Variants in AGBL1 observed in about 807,000 individuals in gnomAD.
AGBL1 encodes AGBL carboxypeptidase 1, also known as cytosolic carboxypeptidase 4.
A neutral mutation model predicts 118.9 loss-of-function variants in AGBL1; 130 were observed. That is an observed-to-expected ratio of 1.09 (90% CI 0.95 to 1.26). The LOEUF is 1.26. Ranked by LOEUF, AGBL1 falls within the 50% of genes most tolerant of loss-of-function variation. The pLI is 0.00. For missense variants in AGBL1, 1,584 were observed against 1,298.1 expected (o/e 1.22, Z -3.38); for synonymous variants, 555 against 478.9 (o/e 1.16, Z -2.08).
intron 22 of AGBL1, among the ~76,000 whole-genome samples, chr15:86,742,328 A>G (rs2077692370): frequency 6.6e-6 from 1 of 152,152 alleles, no homozygotes; most frequent in Admixed American, 6.6e-5. Context: ...TACAGATGAA[A>G]CAATGCCCTC....
At chr15:86,546,613 A>G (rs2083586929) in intron 20 of AGBL1, among the ~76,000 whole-genome samples, 1 of 152,180 alleles carries the variant, frequency 6.6e-6, no homozygotes, top group African/African-American at 2.4e-5. Context: ...ATGAATAAAC[A>G]TAAGCCATTA....
intron 21 of AGBL1, among the ~76,000 whole-genome samples, chr15:86,568,908 A>T (rs1214894558): frequency 6.6e-6 from 1 of 152,176 alleles, no homozygotes; most frequent in African/African-American, 2.4e-5. Context: ...TGACAATGAG[A>T]TGCTGTATGT....
At chr15:86,986,070 C>T (rs1445122319) in intron 23 of AGBL1, among the ~76,000 whole-genome samples, 1 of 152,026 alleles carries the variant, frequency 6.6e-6, no homozygotes, top group Non-Finnish European at 1.5e-5. Context: ...ATTATAGGTG[C>T]CTGCCACCAT....
chr15:86,890,989 G>A (rs554801550), intron 22 of AGBL1, among the ~76,000 whole-genome samples: 1 of 152,264 alleles, frequency 6.6e-6, no homozygotes, highest in East Asian at 1.9e-4. Context: ...ATTTTGGACA[G>A]TATGGCCATT....
At chr15:86,114,960 G>C (rs1897663871) in intron 1 of AGBL1, among the ~76,000 whole-genome samples, 1 of 152,192 alleles carries the variant, frequency 6.6e-6, no homozygotes, top group Non-Finnish European at 1.5e-5. Context: ...TGAACTTCAT[G>C]ATAGGCTCTC....
intron 18 of AGBL1, among the ~76,000 whole-genome samples, chr15:86,454,136 T>G (rs1267340053): frequency 3.9e-5 from 6 of 152,204 alleles, no homozygotes; most frequent in African/African-American, 1.4e-4. Flanking sequence ...TATGGAAGAC[T>G]GTTATTTCTG....
At chr15:86,525,191 G>T (rs1411044726) in intron 19 of AGBL1, among the ~76,000 whole-genome samples, 2 of 151,640 alleles carry the variant, frequency 1.3e-5, no homozygotes, top group African/African-American at 2.4e-5. Flanking sequence ...ATTTAACAAG[G>T]AAGGTAAAAG....
At position 86,079,982 on chromosome 15, in the gene AGBL1, C is replaced by A; in HGVS notation, c.10C>A (p.Gln4Lys). ...AGGACCCGAGAAAAGGATGGCCGAA[C>A]AAGAAGCTAGTGGGCTACAGGTCCT... MAE[Q>K]EASGLQVLLH... The change falls in exon 1 of 23, where the codon CAA becomes AAA. Residue 4 changes from glutamine to lysine, a missense_variant. By Grantham distance (53) the Gln-to-Lys change is moderately conservative. Transcript: ENST00000614907. 1 of 1,232,164 alleles carries A rather than the reference C, an allele frequency of 8.1e-7. No homozygotes were observed. The highest frequency in any genetic ancestry group is 3.2e-5 in the East Asian group (1 of 31,682). 76.3% of individuals were successfully genotyped at this position (1,232,164 alleles called of 1,614,324 possible).
At chr15:87,008,274 G>T (rs1226691562) in intron 24 of AGBL1, among the ~76,000 whole-genome samples, 3 of 152,252 alleles carry the variant, frequency 2.0e-5, no homozygotes, top group African/African-American at 2.4e-5. Context: ...ATTGAATCAT[G>T]GGGGCAGGTC....
At chr15:86,181,175 A>G (rs2077547622) in intron 5 of AGBL1, among the ~76,000 whole-genome samples, 1 of 152,092 alleles carries the variant, frequency 6.6e-6, no homozygotes. Flanking sequence ...TCATTTACAC[A>G]ATAGAAATGA....
At chr15:86,921,213 C>T (rs2080478728) in intron 23 of AGBL1, among the ~76,000 whole-genome samples, 1 of 152,118 alleles carries the variant, frequency 6.6e-6, no homozygotes, top group East Asian at 1.9e-4. Flanking sequence ...GCAGACGAAG[C>T]TTTGTTTAAT....
intron 3 of AGBL1, among the ~76,000 whole-genome samples, chr15:86,144,521 G>T (rs1450829458): frequency 6.6e-6 from 1 of 152,134 alleles, no homozygotes; most frequent in Non-Finnish European, 1.5e-5. Context: ...AGGGACATGG[G>T]TGGAGCTGGA....
chr15:86,825,635 A>C (rs2078998719), intron 22 of AGBL1, among the ~76,000 whole-genome samples: 1 of 144,338 alleles, frequency 6.9e-6, no homozygotes, highest in Non-Finnish European at 1.5e-5. Context: ...TAAAAAAAGG[A>C]AGGAAGGAAA....
chr15:86,731,191 G>C (rs2077522581), intron 22 of AGBL1, among the ~76,000 whole-genome samples: 1 of 152,032 alleles, frequency 6.6e-6, no homozygotes, highest in African/African-American at 2.4e-5. Flanking sequence ...CCAAACTATT[G>C]AATTATGTTC....
chr15:86,216,034 A>C (rs181769945), intron 5 of AGBL1, among the ~76,000 whole-genome samples: 1 of 152,330 alleles, frequency 6.6e-6, no homozygotes, highest in Admixed American at 6.5e-5. Flanking sequence ...GGATTTAAAC[A>C]AAATCATTTC....
chr15:86,946,811 T>A (rs1443437521), intron 23 of AGBL1, among the ~76,000 whole-genome samples: 4 of 117,464 alleles, frequency 3.4e-5, no homozygotes. Context: ...GCCATTGCAC[T>A]CCAGCCTGGG....
chr15:86,708,634 T>G (rs1168709758), intron 22 of AGBL1, among the ~76,000 whole-genome samples: 1 of 152,168 alleles, frequency 6.6e-6, no homozygotes, highest in Non-Finnish European at 1.5e-5. Flanking sequence ...AAAAGCCCTG[T>G]GTTAATGAGG....
chr15:86,536,904 T>G (rs1330248883), intron 19 of AGBL1, among the ~76,000 whole-genome samples: 1 of 152,134 alleles, frequency 6.6e-6, no homozygotes, highest in African/African-American at 2.4e-5. Context: ...AGGCTTCCGA[T>G]GAAGACACGG....
At chr15:86,929,664 G>A (rs2080582531) in intron 23 of AGBL1, among the ~76,000 whole-genome samples, 1 of 152,180 alleles carries the variant, frequency 6.6e-6, no homozygotes, top group Admixed American at 6.5e-5. Context: ...CAAAATATTA[G>A]GACTGCATGG....
Sources: gnomAD v4.1 joint callset for allele counts (sites outside exome capture counted in the v4.1 genomes callset) on GRCh38, gnomAD v4.1.1 for gene constraint, MANE v1.5 for transcripts, NCBI Gene and HGNC (gene_info 2026-07-23, HGNC 2026-07-21) for gene names.